The following SPAG16 variants were observed in gnomAD, a reference collection of about 807,000 sequenced individuals.
SPAG16 encodes sperm-associated antigen 16 protein.
A neutral mutation model predicts 80.4 loss-of-function variants in SPAG16; 86 were observed. The ratio of observed to expected loss-of-function variants is 1.07; its 90% CI spans 0.90 to 1.28. The LOEUF (loss-of-function observed/expected upper bound fraction) is 1.28. Among genes scored for constraint, SPAG16 ranks in the 50% most tolerant of loss-of-function variants. SPAG16 has a pLI of 0.00. For synonymous variants in SPAG16, 294 were observed against 265.9 expected, an observed-to-expected ratio of 1.11 and a Z score of -1.03; for missense variants, 870 against 765.3, an observed-to-expected ratio of 1.14 and a Z score of -1.61.
At chr2:213,644,474 T>C (rs2062744936) in intron 10 of SPAG16, among the ~76,000 whole-genome samples, 1 of 152,184 alleles carries the variant, frequency 6.6e-6, no homozygotes, top group Non-Finnish European at 1.5e-5. Flanking sequence ...CTGGGCTTAG[T>C]TGTAGACATC....
At chr2:214,009,920 G>A (rs533597292) in intron 12 of SPAG16, among the ~76,000 whole-genome samples, 2 of 151,750 alleles carry the variant, frequency 1.3e-5, no homozygotes, top group Non-Finnish European at 2.9e-5. Flanking sequence ...ATTTTATAAA[G>A]AATTGCAAAA....
chr2:213,837,630 T>C (rs954465160), intron 10 of SPAG16, among the ~76,000 whole-genome samples: 1 of 152,228 alleles, frequency 6.6e-6, no homozygotes, highest in Non-Finnish European at 1.5e-5. Flanking sequence ...AAGAATATTG[T>C]ATTAGGCAGA....
chr2:214,247,111 G>A (rs1041036320), intron 15 of SPAG16, among the ~76,000 whole-genome samples: 2 of 152,054 alleles, frequency 1.3e-5, no homozygotes, highest in African/African-American at 4.8e-5. Context: ...GCTACAGGCT[G>A]GGTGTGTATA....
chr2:214,279,066 A>G (rs1692688719), intron 15 of SPAG16, among the ~76,000 whole-genome samples: 1 of 152,032 alleles, frequency 6.6e-6, no homozygotes, highest in Non-Finnish European at 1.5e-5. Context: ...AAACAATAAC[A>G]AGCAACAACA....
At chr2:213,627,883 C>T (rs1217250673) in intron 10 of SPAG16, among the ~76,000 whole-genome samples, 1 of 152,182 alleles carries the variant, frequency 6.6e-6, no homozygotes, top group African/African-American at 2.4e-5. Context: ...GTGAGTGCTT[C>T]GCAGCATCAC....
chr2:213,877,706 TC>T (rs1397847471), intron 11 of SPAG16, among the ~76,000 whole-genome samples: 1 of 151,980 alleles, frequency 6.6e-6, no homozygotes, highest in Non-Finnish European at 1.5e-5. Flanking sequence ...CTTATGTATT[TC>T]CAACACCTTA....
intron 9 of SPAG16, among the ~76,000 whole-genome samples, chr2:213,447,521 TATG>T (rs2071403562): frequency 1.3e-5 from 2 of 152,356 alleles, no homozygotes; most frequent in African/African-American, 4.8e-5. Flanking sequence ...CAATTGGCAT[TATG>T]ATAATTCTTC....
At chr2:213,869,177 C>T (rs10176177) in intron 11 of SPAG16, among the ~76,000 whole-genome samples, 87,211 of 147,284 alleles carry the variant, frequency 0.59, 27,677 homozygotes, top group South Asian at 0.85. Context: ...CACTTGAACC[C>T]GGGAGGCGGA....
intron 7 of SPAG16, among the ~76,000 whole-genome samples, chr2:213,359,399 A>G (rs1219957150): frequency 7.0e-6 from 1 of 142,246 alleles, no homozygotes; most frequent in African/African-American, 2.4e-5. Context: ...CTATAGAGGC[A>G]GTAGGCCTTG....
At chr2:213,882,447 T>A (rs1387522910) in intron 11 of SPAG16, among the ~76,000 whole-genome samples, 2 of 152,140 alleles carry the variant, frequency 1.3e-5, no homozygotes, top group Non-Finnish European at 1.5e-5. Context: ...AACTTATCCA[T>A]GGCTTTTTGG....
rs113090294 is a variant in SPAG16 at position 213,805,690 on chromosome 2, C to G, written c.1071-56795C>G. On this transcript the variant is annotated intron_variant, in intron 10 of 15. Transcript: ENST00000331683. ...TTCTGATGTCTGAGAGCCCTTCCAACTCCTCCATTCTGTGATTCTCTGACA... is the reference window on the plus strand; with the variant it reads ...TTCTGATGTCTGAGAGCCCTTCCAAGTCCTCCATTCTGTGATTCTCTGACA... Among the ~76,000 whole-genome samples the G allele has an allele frequency of 9.1e-3, 1,393 of 152,280 alleles. 18 individuals carry two copies. The highest frequency in any genetic ancestry group is 0.032 in the African/African-American group (1,337 of 41,554).
intron 15 of SPAG16, among the ~76,000 whole-genome samples, chr2:214,177,036 G>C (rs1251206646): frequency 6.6e-6 from 1 of 150,926 alleles, no homozygotes; most frequent in Non-Finnish European, 1.5e-5. Context: ...GATGAATATA[G>C]AATTATTTAA....
chr2:214,001,418 T>A (rs988154715), intron 12 of SPAG16, among the ~76,000 whole-genome samples: 1 of 152,238 alleles, frequency 6.6e-6, no homozygotes, highest in Non-Finnish European at 1.5e-5. Context: ...AAAACAGCAC[T>A]GTATGATTGA....
At chr2:213,340,006 A>C (rs942840725) in intron 5 of SPAG16, among the ~76,000 whole-genome samples, 157 bp from the exon 6 acceptor site, 15 of 152,280 alleles carry the variant, frequency 9.9e-5, no homozygotes, top group African/African-American at 3.6e-4. Flanking sequence ...GACCTTATAC[A>C]AATTATGTTT....
intron 13 of SPAG16, among the ~76,000 whole-genome samples, chr2:214,019,749 C>T (rs1337389387): frequency 8.5e-5 from 13 of 152,056 alleles, no homozygotes. Context: ...CAAAGGGAAG[C>T]TTGTACCTCT....
intron 11 of SPAG16, among the ~76,000 whole-genome samples, chr2:213,916,555 C>T (rs867103303): frequency 1.3e-5 from 2 of 152,108 alleles, no homozygotes; most frequent in Non-Finnish European, 2.9e-5. Context: ...TGTGATGCCT[C>T]CAGCTTTGAA....
At chr2:213,996,508 A>C (rs2046521477) in intron 12 of SPAG16, among the ~76,000 whole-genome samples, 1 of 151,968 alleles carries the variant, frequency 6.6e-6, no homozygotes, top group Admixed American at 6.6e-5. Flanking sequence ...CCATTGAATC[A>C]CAGTGCCTTA....
At chr2:213,647,664 C>A (rs560685241) in intron 10 of SPAG16, among the ~76,000 whole-genome samples, 71 of 152,280 alleles carry the variant, frequency 4.7e-4, no homozygotes, top group African/African-American at 1.6e-3. Context: ...TCTCTTCAAG[C>A]TCTGAAGGTC....
rs532814995 is a variant in SPAG16, at chr2:214,280,820, G to A, written c.1721-129320G>A. On this transcript the variant is annotated intron_variant, in intron 15 of 15. Coordinates refer to ENST00000331683, the MANE Select transcript of SPAG16 (RefSeq NM_024532.5). The stretch of plus-strand genomic sequence containing the variant: ...GAGCTTTCTTATACATCTCCTCCAT[G>A]TCTAGAGTTATGCCGTTCTTTATAT... The A allele has an allele frequency of 1.3e-5, 6 of 450,190 alleles. No homozygotes were observed. The Admixed American group carries it at 1.5e-4, about 11-fold the overall frequency. 27.9% of individuals were successfully genotyped at this position (450,190 alleles called of 1,614,324 possible). A position where few individuals can be genotyped will look rare whatever the true frequency, so the allele number is the denominator to read the frequency against.
Sources: allele counts gnomAD v4.1 joint callset (sites outside exome capture counted in the v4.1 genomes callset), GRCh38; gene constraint gnomAD v4.1.1; transcripts MANE v1.5; gene names NCBI Gene and HGNC (gene_info 2026-07-23, HGNC 2026-07-21).